The following SV2B variants were observed in gnomAD, a reference collection of about 807,000 sequenced individuals.
SV2B encodes the protein solute carrier family 22 member B2.
SV2B carries 41 observed loss-of-function variants against 73.9 expected under a neutral mutation model. That is an observed-to-expected ratio of 0.56 (90% CI 0.43 to 0.72). SV2B has a LOEUF of 0.72. SV2B is among the 30% of genes least tolerant of loss of function. The pLI is 0.00. For synonymous variants in SV2B, 314 were observed against 314.2 expected (o/e 1.00, Z 0.01); for missense variants, 764 against 857.8 (o/e 0.89, Z 1.37).
chr15:91,266,588 A>G lies in SV2B; in HGVS notation c.1015A>G (p.Asn339Asp), dbSNP rs2048109647. 6.2e-7 allele frequency: 1 copy of G among 1,613,614 alleles called. No individual in the cohort carries two copies. Among genetic ancestry groups the G allele is most frequent in the Non-Finnish European group, 8.5e-7 (1 of 1,179,744 alleles). The stretch of plus-strand genomic sequence containing the variant: ...TCCTATTTTTACTTTTCAGGTTTCC[A>G]ACATCAAAACTCCCAAGCAAATGGA... Reference protein sequence around the residue: ...GTPEKVFTVSNIKTPKQMDEF... With the variant: ...GTPEKVFTVSDIKTPKQMDEF... The change falls in exon 7 of 13, where the codon AAC (asparagine) becomes GAC (aspartate). Residue 339 changes from asparagine (N) to aspartate (D), a missense_variant. Transcript: ENST00000394232.
In SV2B at chr15:91,268,407, T is replaced by C; in HGVS notation, c.1209-34T>C. 1.3e-6 allele frequency: 2 copies of C among 1,592,590 alleles called. No homozygotes were observed. The highest frequency in any genetic ancestry group is 1.7e-6 in the Non-Finnish European group (2 of 1,165,090). On this transcript the variant is annotated intron_variant, in intron 8 of 12. Coordinates refer to ENST00000394232, the MANE Select transcript of SV2B (RefSeq NM_001323032.3). The surrounding 1 kb of genome is among the most constrained non-coding windows in gnomAD (Gnocchi z 4.4). ...CCTGATCATGAAAGAATGAATCCTGTTGTTGTTGCAACCTTCTGCCTTCTC... is the reference window on the plus strand; with the variant it reads ...CCTGATCATGAAAGAATGAATCCTGCTGTTGTTGCAACCTTCTGCCTTCTC...
rs1243217545 is a variant in SV2B at position 91,110,748 on chromosome 15, G to A, written c.-392+10385G>A. On this transcript the variant is annotated intron_variant, in intron 1 of 12. Coordinates refer to ENST00000394232, the MANE Select transcript of SV2B (RefSeq NM_001323032.3). The surrounding 1 kb of genome is among the most constrained non-coding windows in gnomAD (Gnocchi z 5.4). The stretch of plus-strand genomic sequence containing the variant: ...CTGCCCTTGACCCTGGAGGGCTCAA[G>A]GAATTTAGTTCCACCCCTAGCACTA... 6.6e-6 allele frequency among the ~76,000 whole-genome samples: 1 copy of A among 152,202 alleles called. No homozygotes were observed. The highest frequency in any genetic ancestry group is 2.4e-5 in the African/African-American group (1 of 41,450).
At chr15:91,235,665 A>G (rs1358283093) in intron 2 of SV2B, among the ~76,000 whole-genome samples, 2 of 152,154 alleles carry the variant, frequency 1.3e-5, no homozygotes, top group East Asian at 1.9e-4. Context: ...CCACTTGTCT[A>G]CTGCTATTTT....
intron 1 of SV2B, among the ~76,000 whole-genome samples, chr15:91,173,317 T>G (rs1292381948): frequency 6.6e-6 from 1 of 152,122 alleles, no homozygotes; most frequent in Non-Finnish European, 1.5e-5. Context: ...TGCAGGGGCT[T>G]GGCCACCAGT....
At chr15:91,217,296 C>T (rs1478795409) in intron 1 of SV2B, among the ~76,000 whole-genome samples, 1 of 152,158 alleles carries the variant, frequency 6.6e-6, no homozygotes. Context: ...CTATCTTGGA[C>T]CTGCCCACAA....
chr15:91,109,651 A>C (rs952253585), intron 1 of SV2B, among the ~76,000 whole-genome samples: 4 of 152,218 alleles, frequency 2.6e-5, no homozygotes, highest in Non-Finnish European at 5.9e-5. Flanking sequence ...ACCTTAATTG[A>C]ACTGTAGGAT....
chr15:91,279,567 C>T (rs139858528), intron 9 of SV2B, among the ~76,000 whole-genome samples: 1 of 152,196 alleles, frequency 6.6e-6, no homozygotes, highest in Non-Finnish European at 1.5e-5. Context: ...ATGTGTTGGC[C>T]CTTTCTCCTT....
intron 1 of SV2B, among the ~76,000 whole-genome samples, chr15:91,192,185 CAGGA>C (rs2045062182): frequency 6.6e-6 from 1 of 152,144 alleles, no homozygotes; most frequent in East Asian, 1.9e-4. Context: ...CCATGCCTAG[CAGGA>C]AGGAATTTAT....
rs1567265952 is a variant in SV2B, at chr15:91,118,120, CTT to C, written c.-392+17761_-392+17762del. On this transcript the variant is annotated intron_variant, in intron 1 of 12. Coordinates refer to ENST00000394232, the MANE Select transcript of SV2B (RefSeq NM_001323032.3). The surrounding 1 kb of genome is among the most constrained non-coding windows in gnomAD (Gnocchi z 4.7). ...ACAAATACTAGCTTGAGGTGAAACA[CTT>C]TTTGTTCCCCATAAAACCAAGAAAA... 6.6e-6 allele frequency among the ~76,000 whole-genome samples: 1 copy of C among 152,076 alleles called. No homozygotes were observed.
At chr15:91,176,550 C>G (rs1478573813) in intron 1 of SV2B, among the ~76,000 whole-genome samples, 1 of 152,196 alleles carries the variant, frequency 6.6e-6, no homozygotes, top group Admixed American at 6.5e-5. Flanking sequence ...TCTCCAGTCC[C>G]TGTTGTTTCC....
chr15:91,160,485 A>G (rs943875497), intron 1 of SV2B, among the ~76,000 whole-genome samples: 4 of 152,114 alleles, frequency 2.6e-5, no homozygotes, highest in Admixed American at 6.6e-5. Context: ...GTGCATGCCT[A>G]TAGTCCCAGC....
chr15:91,211,039 A>C (rs2045838128), intron 1 of SV2B, among the ~76,000 whole-genome samples: 1 of 152,210 alleles, frequency 6.6e-6, no homozygotes, highest in Non-Finnish European at 1.5e-5. Context: ...ACCCCTAGGG[A>C]GGGACGACCA....
At chr15:91,190,692 C>T (rs1418733253) in intron 1 of SV2B, among the ~76,000 whole-genome samples, 3 of 152,194 alleles carry the variant, frequency 2.0e-5, no homozygotes, top group African/African-American at 7.2e-5. Flanking sequence ...CTCTATGAAG[C>T]TTCTGGTACA....
intron 12 of SV2B, among the ~76,000 whole-genome samples, chr15:91,291,020 T>G (rs1338954930): frequency 1.3e-5 from 2 of 150,212 alleles, no homozygotes; most frequent in Admixed American, 1.3e-4. Context: ...TCTCAGAAAA[T>G]GTATATATTT....
chr15:91,130,228 G>A lies in SV2B; in HGVS notation c.-392+29865G>A, dbSNP rs1218996972. Among the ~76,000 whole-genome samples, 1 of 152,164 alleles carries A rather than the reference G, an allele frequency of 6.6e-6. No individual in the cohort carries two copies. The highest frequency in any genetic ancestry group is 2.4e-5 in the African/African-American group (1 of 41,446). On this transcript the variant is annotated intron_variant, in intron 1 of 12. Transcript: ENST00000394232. The surrounding 1 kb of genome is among the most constrained non-coding windows in gnomAD (Gnocchi z 5.6). Reference sequence around the variant, plus strand: ...GAGTGAGAGGAGTGACACAGCTGAGGTTCTTAGGTTAGGGCAACTGGGAGA... The same window carrying A: ...GAGTGAGAGGAGTGACACAGCTGAGATTCTTAGGTTAGGGCAACTGGGAGA...
At chr15:91,166,226 C>A (rs1368724433) in intron 1 of SV2B, among the ~76,000 whole-genome samples, 2 of 152,126 alleles carry the variant, frequency 1.3e-5, no homozygotes, top group East Asian at 3.8e-4. Flanking sequence ...AGTCCACTCC[C>A]AATGTGAGAA....
intron 1 of SV2B, among the ~76,000 whole-genome samples, chr15:91,152,010 A>G (rs1345630301): frequency 1.3e-5 from 2 of 151,624 alleles, no homozygotes; most frequent in Admixed American, 6.6e-5. Flanking sequence ...TATGTCTGTT[A>G]TCCCAGCCTG....
chr15:91,262,895 C>G (rs779200033), intron 6 of SV2B, among the ~76,000 whole-genome samples: 2 of 152,178 alleles, frequency 1.3e-5, no homozygotes, highest in African/African-American at 2.4e-5. Flanking sequence ...CTCAGTCCTG[C>G]CACCCTGCCC....
At chr15:91,278,965 C>G (rs566567139) in intron 9 of SV2B, among the ~76,000 whole-genome samples, 1 of 151,982 alleles carries the variant, frequency 6.6e-6, no homozygotes, top group African/African-American at 2.4e-5. Flanking sequence ...CCTTAAATGA[C>G]GATGTAATTT....
Sources: gnomAD v4.1 joint callset for allele counts (sites outside exome capture counted in the v4.1 genomes callset) on GRCh38, gnomAD v4.1.1 for gene constraint, Gnocchi (gnomAD v3.1) non-coding constraint, MANE v1.5 for transcripts, NCBI Gene and HGNC (gene_info 2026-07-23, HGNC 2026-07-21) for gene names.